Variants in INTU observed in about 807,000 individuals in gnomAD.
INTU encodes the protein protein inturned.
Under a neutral mutation model 100.5 loss-of-function variants are expected in INTU, and 68 were observed. The observed-to-expected ratio is 0.68, with a 90% CI of 0.56 to 0.83. The LOEUF (loss-of-function observed/expected upper bound fraction) is 0.83, where lower values mean the gene tolerates loss of function less well. INTU is among the 40% of genes least tolerant of loss of function. The pLI is 0.00. For synonymous variants in INTU, 357 were observed against 395.7 expected (o/e 0.90, Z 1.16); for missense variants, 1,071 against 1,114.7 (o/e 0.96, Z 0.56).
chr4:127,676,210 T>C (rs1231043754), intron 6 of INTU: 1 of 155,534 alleles, frequency 6.4e-6, no homozygotes, highest in Non-Finnish European at 1.4e-5. Flanking sequence ...ATATGTGTTT[T>C]TCTGTCTAAA....
intron 13 of INTU, among the ~76,000 whole-genome samples, chr4:127,709,182 A>G (rs761770193): frequency 9.2e-5 from 14 of 152,330 alleles, no homozygotes; most frequent in Non-Finnish European, 1.5e-4. Flanking sequence ...CTAATAAATA[A>G]GTGAGTACAA....
At chr4:127,700,214 C>A in intron 9 of INTU, 151 bp downstream of exon 9, 3 of 603,884 alleles carry the variant, frequency 5.0e-6, no homozygotes, top group Non-Finnish European at 5.6e-6. Context: ...ATTTTGCTTG[C>A]CTTAGGATTT....
intron 1 of INTU, among the ~76,000 whole-genome samples, chr4:127,636,567 G>T (rs1390013318): frequency 6.8e-6 from 1 of 146,570 alleles, no homozygotes; most frequent in Non-Finnish European, 1.5e-5. Flanking sequence ...AGCCGAGATC[G>T]CACCATTGCA....
At chr4:127,645,674 C>T (rs1304438059) in intron 2 of INTU, among the ~76,000 whole-genome samples, 1 of 152,056 alleles carries the variant, frequency 6.6e-6, no homozygotes, top group East Asian at 1.9e-4. Context: ...GATTCTTCTG[C>T]CTCAGCCTCC....
intron 7 of INTU, 28 bp downstream of exon 7, chr4:127,684,514 A>G: frequency 8.0e-7 from 1 of 1,242,574 alleles, no homozygotes; most frequent in Non-Finnish European, 1.2e-6. Context: ...TTGAATCTCA[A>G]GTTTTAATTA....
chr4:127,646,091 CG>C (rs933939646), intron 2 of INTU, among the ~76,000 whole-genome samples: 44 of 150,002 alleles, frequency 2.9e-4, no homozygotes, highest in African/African-American at 1.1e-3. Flanking sequence ...GGCTGGGGCA[CG>C]AGAATCACTT....
rs1445431888 is a variant in INTU at position 127,725,774 on chromosome 4, GAAAT to G, written c.*9342_*9345del. 1 of 152,162 alleles carries G rather than the reference GAAAT, an allele frequency of 6.6e-6. No individual in the cohort carries two copies. Among genetic ancestry groups the G allele is most frequent in the African/African-American group, 2.4e-5 (1 of 41,446 alleles). The allele number at this position is 152,162 out of a possible 1,614,324, so 9.4% of individuals were successfully genotyped here. ...TGTTAAAGAGGCACTGCATTTTTAA[GAAAT>G]AAAATCACACATCTTATTTTTTCAT... On this transcript the variant is annotated 3_prime_UTR_variant, in exon 16 of 16. Coordinates refer to ENST00000335251, the MANE Select transcript of INTU (RefSeq NM_015693.4).
At chr4:127,652,965 G>A (rs1446050436) in intron 2 of INTU, among the ~76,000 whole-genome samples, 8 of 149,560 alleles carry the variant, frequency 5.3e-5, no homozygotes, top group Non-Finnish European at 8.9e-5. Flanking sequence ...TGTATATGTC[G>A]AGGAATTTAT....
At chr4:127,647,079 A>T (rs185824103) in intron 2 of INTU, among the ~76,000 whole-genome samples, 1 of 152,222 alleles carries the variant, frequency 6.6e-6, no homozygotes, top group Admixed American at 6.5e-5. Flanking sequence ...TTTTTTTCCT[A>T]ACTGACCTCC....
chr4:127,706,675 G>A lies in INTU; in HGVS notation c.1977G>A (p.Trp659Ter), dbSNP rs1288687400. 2 of 1,614,084 alleles carry A rather than the reference G, an allele frequency of 1.2e-6. No individual in the cohort carries two copies. The highest frequency in any genetic ancestry group is 1.7e-5 in the Admixed American group (1 of 60,000). Residue 659 changes from tryptophan (W) to a stop codon, truncating the protein, a stop_gained, in exon 12 of 16, where the codon TGG becomes TGA. Transcript: ENST00000335251. LOFTEE classifies it high-confidence loss of function. Reference sequence around the variant, plus strand: ...TCCCCTGTTTGTCTTGTGCTGACTGGTTCCTTACTGGATCACGTGAAAAAA... The same window carrying A: ...TCCCCTGTTTGTCTTGTGCTGACTGATTCCTTACTGGATCACGTGAAAAAA... Reference protein sequence around the residue: ...SPVPCLSCADWFLTGSREKTD... With the variant: ...SPVPCLSCAD
intron 7 of INTU, among the ~76,000 whole-genome samples, chr4:127,684,906 A>G (rs1282323936): frequency 3.3e-5 from 5 of 152,054 alleles, no homozygotes; most frequent in Non-Finnish European, 7.4e-5. Flanking sequence ...CAAATGTAAG[A>G]GTATTTCTTC....
intron 2 of INTU, among the ~76,000 whole-genome samples, chr4:127,647,109 A>G (rs1578534485): frequency 1.3e-5 from 2 of 152,254 alleles, no homozygotes; most frequent in East Asian, 1.9e-4. Flanking sequence ...TTGTGTGTCC[A>G]TCTTTGCTTT....
chr4:127,661,331 G>T (rs1437316112), intron 3 of INTU, among the ~76,000 whole-genome samples: 1 of 152,130 alleles, frequency 6.6e-6, no homozygotes, highest in Non-Finnish European at 1.5e-5. Flanking sequence ...GAATTTTTGA[G>T]TCTATTTTTG....
At chr4:127,698,899 A>G (rs911335478) in intron 8 of INTU, among the ~76,000 whole-genome samples, 2 of 152,212 alleles carry the variant, frequency 1.3e-5, no homozygotes, top group Non-Finnish European at 2.9e-5. Flanking sequence ...ATAGCCACAA[A>G]AAAAGGGAAC....
chr4:127,674,535 T>C (rs190094390), intron 6 of INTU, among the ~76,000 whole-genome samples: 3 of 152,308 alleles, frequency 2.0e-5, no homozygotes, highest in Admixed American at 6.5e-5. Context: ...ATTTTGCACA[T>C]TTACAGTTTT....
At chr4:127,633,547 G>A (rs921864771) in intron 1 of INTU, among the ~76,000 whole-genome samples, 1 of 152,094 alleles carries the variant, frequency 6.6e-6, no homozygotes, top group African/African-American at 2.4e-5. Context: ...GACCTTTGTG[G>A]CTTAATCTCT....
intron 3 of INTU, among the ~76,000 whole-genome samples, chr4:127,663,116 T>C (rs1728543095): frequency 6.6e-6 from 1 of 152,222 alleles, no homozygotes; most frequent in Non-Finnish European, 1.5e-5. Flanking sequence ...GCAATGATTA[T>C]GTTTAATTAA....
chr4:127,646,859 G>A (rs1727617541), intron 2 of INTU, among the ~76,000 whole-genome samples: 1 of 152,142 alleles, frequency 6.6e-6, no homozygotes, highest in Non-Finnish European at 1.5e-5. Flanking sequence ...GTTAGTAAAT[G>A]CATTGGCAGA....
At chr4:127,640,223 T>A (rs1727249704) in intron 1 of INTU, among the ~76,000 whole-genome samples, 1 of 152,066 alleles carries the variant, frequency 6.6e-6, no homozygotes, top group South Asian at 2.1e-4. Flanking sequence ...AGCTATAATC[T>A]ATTTTCAAGA....
Sources: allele counts gnomAD v4.1 joint callset (sites outside exome capture counted in the v4.1 genomes callset), GRCh38; gene constraint gnomAD v4.1.1; transcripts MANE v1.5; gene names NCBI Gene and HGNC (gene_info 2026-07-23, HGNC 2026-07-21).